Variants in RAE1 observed in about 807,000 individuals in gnomAD.
The protein encoded by RAE1 is mRNA export factor RAE1.
In RAE1, 13 loss-of-function variants were observed where a neutral mutation model predicts 52.7. The ratio of observed to expected loss-of-function variants is 0.25; its 90% confidence interval spans 0.16 to 0.39. The LOEUF (loss-of-function observed/expected upper bound fraction) is 0.39, where lower values mean the gene tolerates loss of function less well. Ranked by LOEUF, RAE1 falls within the 10% of genes least tolerant of loss-of-function variation. The pLI, the probability that RAE1 is intolerant of heterozygous loss-of-function variation, is 1.00. For synonymous variants in RAE1, 164 were observed against 153.1 expected (o/e 1.07, Z -0.52); for missense variants, 262 against 459.8 (o/e 0.57, Z 3.93).
At chr20:57,355,059 A>C (rs1232880633) in intron 3 of RAE1, among the ~76,000 whole-genome samples, 2 of 152,222 alleles carry the variant, frequency 1.3e-5, no homozygotes, top group Admixed American at 1.3e-4. Flanking sequence ...AGTCTCTTGA[A>C]GTTTATTCCC....
rs749578346 is a variant in RAE1 at position 57,356,543 on chromosome 20, G to A, written c.288+5G>A. 20 of 1,603,404 alleles carry A rather than the reference G, an allele frequency of 1.2e-5. No homozygotes were observed. Among genetic ancestry groups the A allele is most frequent in the Middle Eastern group, 1.7e-4 (1 of 6,044 alleles). On this transcript the variant is annotated splice_donor_5th_base_variant and intron_variant, in intron 4 of 11. Coordinates refer to ENST00000395841, the MANE Select transcript of RAE1 (RefSeq NM_003610.4). ...CTTGATGTCTGCTGGAGTGACGTAC[G>A]TTCCCTTCCATTTCTCGTGTTCCAT...
At chr20:57,354,919 A>G in intron 3 of RAE1, 103 bp downstream of exon 3, 1 of 816,732 alleles carries the variant, frequency 1.2e-6, no homozygotes, top group Non-Finnish European at 1.8e-6. Flanking sequence ...AGTTGGACTT[A>G]TTTATGGCCT....
intron 11 of RAE1, among the ~76,000 whole-genome samples, chr20:57,375,272 TG>T (rs2067096897): frequency 6.6e-6 from 1 of 151,296 alleles, no homozygotes; most frequent in Non-Finnish European, 1.5e-5. Flanking sequence ...CCATGGGAAG[TG>T]TGTTGGCTTT....
In RAE1 at chr20:57,374,765, CAT is replaced by C; in HGVS notation, c.987_988del (p.Phe330CysfsTer13). The C allele has an allele frequency of 6.2e-7, 1 of 1,614,198 alleles. No individual in the cohort carries two copies. The highest frequency in any genetic ancestry group is 8.5e-7 in the Non-Finnish European group (1 of 1,180,036). On this transcript the variant is annotated frameshift_variant, in exon 11 of 12. Transcript: ENST00000395841. LOFTEE classifies it high-confidence loss of function. ...CTTGCTGTTTCAATCACAATGGAAA[CAT>C]ATTTGCATACGCTTCCAGCTACGAC... ...SACCFNHNGN[I>X]FAYASSYDWS...
intron 2 of RAE1, among the ~76,000 whole-genome samples, chr20:57,354,438 T>G (rs893353223): frequency 1.3e-5 from 2 of 152,212 alleles, no homozygotes; most frequent in Non-Finnish European, 2.9e-5. Context: ...AGGTGAAAAC[T>G]GTGATCTAGC....
intron 8 of RAE1, among the ~76,000 whole-genome samples, chr20:57,369,325 G>A (rs772779301): frequency 6.6e-6 from 1 of 152,240 alleles, no homozygotes; most frequent in Non-Finnish European, 1.5e-5. Context: ...GAAGAGGTCT[G>A]TGTAGCAAAG....
chr20:57,376,817 C>T (rs570767753), intron 11 of RAE1, among the ~76,000 whole-genome samples: 57 of 152,154 alleles, frequency 3.7e-4, no homozygotes, highest in South Asian at 1.7e-3. Flanking sequence ...ACTTAAATGA[C>T]GCGGGACTCT....
At chr20:57,363,442 G>C (rs1032858845) in intron 4 of RAE1, among the ~76,000 whole-genome samples, 1 of 152,178 alleles carries the variant, frequency 6.6e-6, no homozygotes, top group Non-Finnish European at 1.5e-5. Flanking sequence ...GATCCCAGGA[G>C]ACTGAGGCTG....
intron 2 of RAE1, 59 bp from the exon 3 acceptor site, chr20:57,354,653 A>G: frequency 7.8e-7 from 1 of 1,286,480 alleles, no homozygotes; most frequent in Non-Finnish European, 1.1e-6. Context: ...GAGAAAGAAA[A>G]CAATTTGGAA....
intron 4 of RAE1, among the ~76,000 whole-genome samples, chr20:57,362,110 A>G (rs774035689): frequency 6.6e-5 from 10 of 151,928 alleles, no homozygotes; most frequent in Non-Finnish European, 1.2e-4. Context: ...CCCTCACTTC[A>G]CCCCAGTCTG....
intron 4 of RAE1, among the ~76,000 whole-genome samples, chr20:57,356,763 A>G (rs1253436488): frequency 1.3e-5 from 2 of 152,140 alleles, no homozygotes; most frequent in Non-Finnish European, 2.9e-5. Flanking sequence ...GATTGAGGAG[A>G]GTTTAATGAT....
At chr20:57,366,198 G>A (rs894269955) in intron 5 of RAE1, among the ~76,000 whole-genome samples, 1 of 152,026 alleles carries the variant, frequency 6.6e-6, no homozygotes, top group African/African-American at 2.4e-5. Flanking sequence ...TTAATTATGA[G>A]TAAAAAAATT....
At chr20:57,356,641 T>G in intron 4 of RAE1, 103 bp downstream of exon 4, 2 of 1,050,306 alleles carry the variant, frequency 1.9e-6, no homozygotes, top group Non-Finnish European at 2.7e-6. Context: ...GTTCATATTG[T>G]AGGAATTCTA....
intron 5 of RAE1, 25 bp from the exon 6 acceptor site, chr20:57,366,782 T>C: frequency 1.3e-6 from 2 of 1,568,162 alleles, no homozygotes; most frequent in Non-Finnish European, 1.8e-6. Flanking sequence ...TACCTTGATC[T>C]GTTTTGTTTT....
intron 4 of RAE1, chr20:57,359,207 A>AT (rs1170217618): frequency 7.3e-6 from 3 of 413,372 alleles, no homozygotes; most frequent in African/African-American, 2.1e-5. Flanking sequence ...AGTTCCTTTT[A>AT]TTTTTTTGTA....
chr20:57,373,055 G>A (rs554511707), intron 8 of RAE1: 16 of 220,798 alleles, frequency 7.2e-5, no homozygotes, highest in African/African-American at 3.3e-4. Context: ...CCTGTGAGAC[G>A]GGTGCGGCAG....
At chr20:57,353,016 G>A (rs2066733245) in intron 1 of RAE1, among the ~76,000 whole-genome samples, 2 of 152,174 alleles carry the variant, frequency 1.3e-5, no homozygotes, top group South Asian at 4.1e-4. Flanking sequence ...TGAAGCTGAG[G>A]AAACTCAAAT....
intron 1 of RAE1, chr20:57,351,917 C>T (rs2066715980): frequency 3.0e-6 from 3 of 985,396 alleles, no homozygotes; most frequent in Non-Finnish European, 3.6e-6. Context: ...AGTACTTCTC[C>T]AGGCAAGTAG....
chr20:57,362,797 T>C (rs534054967), intron 4 of RAE1, among the ~76,000 whole-genome samples: 1 of 152,184 alleles, frequency 6.6e-6, no homozygotes, highest in Non-Finnish European at 1.5e-5. Flanking sequence ...TTTGTTTGTT[T>C]GTTTGTTTTT....
Sources: allele counts gnomAD v4.1 joint callset (sites outside exome capture counted in the v4.1 genomes callset), GRCh38; gene constraint gnomAD v4.1.1; transcripts MANE v1.5; gene names NCBI Gene and HGNC (gene_info 2026-07-23, HGNC 2026-07-21).